The following MYH10 variants were observed in gnomAD, a reference collection of about 807,000 sequenced individuals.
The protein encoded by MYH10 is myosin heavy chain 10, also known as myosin-10.
A neutral mutation model predicts 257.8 loss-of-function variants in MYH10; 55 were observed. The observed-to-expected ratio is 0.21, with a 90% CI of 0.17 to 0.27. MYH10 has a LOEUF of 0.27. Among genes scored for constraint, MYH10 ranks in the 10% least tolerant of loss-of-function variants. MYH10 has a pLI of 1.00. For missense variants in MYH10, 1,631 were observed against 2,500.6 expected, an observed-to-expected ratio of 0.65 and a Z score of 7.42; for synonymous variants, 854 against 921.7, an observed-to-expected ratio of 0.93 and a Z score of 1.33.
In MYH10 at chr17:8,590,873, C is replaced by CTTTTTTTTTT. The variant is rs398030291; in HGVS notation, c.503-1775_503-1766dup. Among the ~76,000 whole-genome samples the CTTTTTTTTTT allele has an allele frequency of 3.7e-3, 333 of 90,092 alleles. 38 individuals are homozygous for CTTTTTTTTTT. The highest frequency in any genetic ancestry group is 4.9e-3 in the Non-Finnish European group (245 of 49,850). 59.1% of individuals were successfully genotyped at this position (90,092 alleles called of 152,430 possible). A position where few individuals can be genotyped will look rare whatever the true frequency, so the allele number is the denominator to read the frequency against. On this transcript the variant is annotated intron_variant, in intron 3 of 42. Coordinates refer to ENST00000360416, the MANE Select transcript of MYH10 (RefSeq NM_001256012.3). Reference sequence around the variant, plus strand: ...TCTCCCTCAGGTTTCTCAATGTCGCCTTTTTTTTTTTTTTTTTGAGATGGA... The same window carrying CTTTTTTTTTT: ...TCTCCCTCAGGTTTCTCAATGTCGCCTTTTTTTTTTTTTTTTTTTTTTTTTTTGAGATGGA...
At chr17:8,486,600 A>C in intron 36 of MYH10, among the ~76,000 whole-genome samples, 1 of 150,732 alleles carries the variant, frequency 6.6e-6, no homozygotes, top group Non-Finnish European at 1.5e-5. Context: ...GTTCCTACCA[A>C]CCTATTACCC....
Position 8,492,311 on chromosome 17 carries a change from C to G in MYH10, c.4657G>C (p.Asp1553His). The G allele has an allele frequency of 6.2e-7, 1 of 1,612,886 alleles. No individual in the cohort carries two copies. Among genetic ancestry groups the G allele is most frequent in the Non-Finnish European group, 8.5e-7 (1 of 1,179,962 alleles). The change falls in exon 34 of 43, where the codon GAT becomes CAT. Residue 1553 changes from aspartate (D) to histidine (H), a missense_variant. This residue lies in a region of MYH10 where 463 missense variants were observed against 621.8 expected (regional missense o/e 0.74). Coordinates refer to ENST00000360416, the MANE Select transcript of MYH10 (RefSeq NM_001256012.3). ...DMEDLMSSKD[D>H]VGKNVHELEK... ...AGGCGACTTACGTTTTTTCCCACATCATCTTTGGAGCTCATGAGGTCTTCC... is the reference window on the plus strand; with the variant it reads ...AGGCGACTTACGTTTTTTCCCACATGATCTTTGGAGCTCATGAGGTCTTCC...
At chr17:8,485,313 C>T (rs781638540) in intron 36 of MYH10, among the ~76,000 whole-genome samples, 13 of 151,824 alleles carry the variant, frequency 8.6e-5, no homozygotes, top group East Asian at 7.7e-4. Context: ...AACTACAAAA[C>T]GTCACTGAAA....
rs191193244 is a variant in MYH10 at position 8,522,685 on chromosome 17, C to T, written c.1958-1400G>A. Among the ~76,000 whole-genome samples, 9 of 152,294 alleles carry T rather than the reference C, an allele frequency of 5.9e-5. No homozygotes were observed. In the East Asian group the frequency reaches 7.7e-4, roughly 13 times the overall value. ...CTGCCCACTTCTCTTGTCAGAGCCA[C>T]GCTTCTTTCTTGAGTAGTTCACACC... On this transcript the variant is annotated intron_variant, in intron 17 of 42. Transcript: ENST00000360416.
chr17:8,510,934 A>G (rs61537145), intron 24 of MYH10, among the ~76,000 whole-genome samples: 5,419 of 150,082 alleles, frequency 0.036, 146 homozygotes, highest in East Asian at 0.13. Context: ...GCTATTACAC[A>G]GGATCACAGA....
Position 8,569,873 on chromosome 17 carries a change from C to T in MYH10, c.664-61G>A, listed in dbSNP as rs1315055311. 1 of 1,272,178 alleles carries T rather than the reference C, an allele frequency of 7.9e-7. No individual in the cohort carries two copies. The highest frequency in any genetic ancestry group is 1.1e-6 in the Non-Finnish European group (1 of 913,048). 78.8% of individuals were successfully genotyped at this position (1,272,178 alleles called of 1,614,324 possible). The stretch of plus-strand genomic sequence containing the variant: ...TGTACGTTAATCTAATGTCTTTACT[C>T]AAGTCATCAGGGGAAAAATTTCTAA... On this transcript the variant is annotated intron_variant, in intron 6 of 42. Coordinates refer to ENST00000360416, the MANE Select transcript of MYH10 (RefSeq NM_001256012.3). This position sits in a 1 kb window ranked among gnomAD's most constrained non-coding sequence, Gnocchi z 4.1.
At chr17:8,483,333 T>C (rs910917755) in intron 37 of MYH10, among the ~76,000 whole-genome samples, 2 of 152,148 alleles carry the variant, frequency 1.3e-5, no homozygotes, top group African/African-American at 4.8e-5. Context: ...AATGGTGAGA[T>C]AGAGGACAGC....
At chr17:8,539,597 TC>T (rs1198313173) in intron 14 of MYH10, among the ~76,000 whole-genome samples, 7 of 152,150 alleles carry the variant, frequency 4.6e-5, no homozygotes, top group African/African-American at 1.4e-4. Context: ...TAAATTCTTT[TC>T]TTTTTTTTTG....
At chr17:8,565,964 G>T (rs533449232) in intron 7 of MYH10, among the ~76,000 whole-genome samples, 1 of 152,048 alleles carries the variant, frequency 6.6e-6, no homozygotes, top group Non-Finnish European at 1.5e-5. Context: ...TTGAAGGAAC[G>T]ATCTAGAGCA....
At position 8,481,340 on chromosome 17, in the gene MYH10, G is replaced by A; in HGVS notation, c.5246C>T (p.Thr1749Ile). The A allele has an allele frequency of 3.1e-6, 5 of 1,614,010 alleles. No homozygotes were observed. Among genetic ancestry groups the A allele is most frequent in the Non-Finnish European group, 4.2e-6 (5 of 1,180,020 alleles). Residue 1749 changes from threonine to isoleucine, a missense_variant, in exon 38 of 43, where the codon ACC (threonine) becomes ATC (isoleucine). Around this residue, in one of 11 missense-constraint regions of MYH10, gnomAD observed 343 missense variants for 389.5 expected, o/e 0.88. Transcript: ENST00000360416. The stretch of plus-strand genomic sequence containing the variant: ...GACTCACTTGCCAGAGGCGCTGTTG[G>A]TGATCTCGTCCGCCAGCTCATCTCT... Reference protein sequence around the residue: ...QERDELADEITNSASGKSALL... With the variant: ...QERDELADEIINSASGKSALL...
chr17:8,569,100 T>C lies in MYH10; in HGVS notation c.756+620A>G, dbSNP rs1428289921. Among the ~76,000 whole-genome samples the C allele has an allele frequency of 6.6e-6, 1 of 151,666 alleles. No individual in the cohort carries two copies. Among genetic ancestry groups the C allele is most frequent in the Non-Finnish European group, 1.5e-5 (1 of 67,912 alleles). On this transcript the variant is annotated intron_variant, in intron 7 of 42. Transcript: ENST00000360416. This position sits in a 1 kb window ranked among gnomAD's most constrained non-coding sequence, Gnocchi z 4.1. ...AGCCTGGTGAAGTAACGTGAGCCTG[T>C]AGTCCCGGCTCCTTGGGAGACTGAG...
rs556003520 is a variant in MYH10 at position 8,492,185 on chromosome 17, T to TGCATTCCCAGGTCCTTCAG, written c.4671+93_4671+111dup. 8.2e-3 allele frequency: 8,517 copies of TGCATTCCCAGGTCCTTCAG among 1,037,928 alleles called. 59 individuals carry two copies. Among genetic ancestry groups the TGCATTCCCAGGTCCTTCAG allele is most frequent in the Non-Finnish European group, 0.01 (7,344 of 705,398 alleles). 64.3% of individuals were successfully genotyped at this position (1,037,928 alleles called of 1,614,324 possible). On this transcript the variant is annotated intron_variant, in intron 34 of 42. Transcript: ENST00000360416. Reference sequence around the variant, plus strand: ...CCTAGATGGCTTTGCTGCTGGGCTGTGCATTCCCAGGTCCTTCAGGCTCCC... The same window carrying TGCATTCCCAGGTCCTTCAG: ...CCTAGATGGCTTTGCTGCTGGGCTGTGCATTCCCAGGTCCTTCAGGCATTCCCAGGTCCTTCAGGCTCCC...
chr17:8,483,148 A>T (rs528594141), intron 37 of MYH10, among the ~76,000 whole-genome samples: 3 of 152,366 alleles, frequency 2.0e-5, no homozygotes, highest in Admixed American at 6.5e-5. Flanking sequence ...AATAGAAATT[A>T]GAAAAATTTA....
At chr17:8,589,012 C>T in intron 4 of MYH10, 69 bp downstream of exon 4, 1 of 1,485,264 alleles carries the variant, frequency 6.7e-7, no homozygotes, top group Non-Finnish European at 9.4e-7. Context: ...CCCCTCCCCC[C>T]AGACAAAAAT....
intron 38 of MYH10, chr17:8,480,756 C>G: frequency 1.7e-6 from 1 of 593,434 alleles, no homozygotes; most frequent in South Asian, 1.9e-5. Flanking sequence ...CTCACCTGGA[C>G]TGCTGGGTGG....
intron 2 of MYH10, among the ~76,000 whole-genome samples, chr17:8,620,164 C>T (rs1218443071): frequency 6.6e-6 from 1 of 152,060 alleles, no homozygotes; most frequent in Non-Finnish European, 1.5e-5. Flanking sequence ...CAAACACAGA[C>T]CACTCATAAA....
At chr17:8,521,661 A>G (rs2081659942) in intron 17 of MYH10, 2 of 192,036 alleles carry the variant, frequency 1.0e-5, no homozygotes. Flanking sequence ...AAGGCCTCCA[A>G]ATAGGAAATG....
chr17:8,500,178 A>G (rs971108425), intron 29 of MYH10, among the ~76,000 whole-genome samples: 2 of 152,232 alleles, frequency 1.3e-5, no homozygotes, highest in Admixed American at 1.3e-4. Context: ...AAAAGGTGGC[A>G]TGTGGCTAGG....
At chr17:8,587,083 C>T (rs867240708) in intron 4 of MYH10, among the ~76,000 whole-genome samples, 2 of 152,258 alleles carry the variant, frequency 1.3e-5, no homozygotes, top group South Asian at 2.1e-4. Flanking sequence ...GCTGCTACCA[C>T]GTTAAAAGCC....
Sources: allele counts gnomAD v4.1 joint callset (sites outside exome capture counted in the v4.1 genomes callset), GRCh38; gene constraint gnomAD v4.1.1; regional missense constraint gnomAD v4.1.1; non-coding constraint Gnocchi (gnomAD v3.1); transcripts MANE v1.5; gene names NCBI Gene and HGNC (gene_info 2026-07-23, HGNC 2026-07-21).